LIMCH1: variants seen among roughly 807,000 people sequenced by gnomAD.
LIMCH1 encodes LIM and calponin homology domains 1.
Under a neutral mutation model 176.5 loss-of-function variants are expected in LIMCH1, and 113 were observed. That is an observed-to-expected ratio of 0.64 (90% CI 0.55 to 0.75). The LOEUF (loss-of-function observed/expected upper bound fraction) is 0.75. Among genes scored for constraint, LIMCH1 ranks in the 30% least tolerant of loss-of-function variants. The pLI is 0.00. For synonymous variants in LIMCH1, 619 were observed against 645.9 expected, an observed-to-expected ratio of 0.96 and a Z score of 0.63; for missense variants, 1,674 against 1,814.9, an observed-to-expected ratio of 0.92 and a Z score of 1.41.
chr4:41,606,019 C>T lies in LIMCH1; in HGVS notation c.9+15C>T, dbSNP rs369179579. 21 of 1,552,676 alleles carry T rather than the reference C, an allele frequency of 1.4e-5. No individual in the cohort carries two copies. Among genetic ancestry groups the T allele is most frequent in the Non-Finnish European group, 1.7e-5 (19 of 1,124,870 alleles). On this transcript the variant is annotated intron_variant, in intron 4 of 31. Transcript: ENST00000503057. The stretch of plus-strand genomic sequence containing the variant: ...AGATGCGAAAGGTAACTTGGCTTTT[C>T]TTCTTTATCCCATAAGCGTTAGACA...
At position 41,634,587 on chromosome 4, in the gene LIMCH1, G is replaced by A. The variant is rs953354450; in HGVS notation, c.2090+779G>A. 3.9e-5 allele frequency among the ~76,000 whole-genome samples: 6 copies of A among 152,112 alleles called. 1 individual carries two copies. Among genetic ancestry groups the A allele is most frequent in the African/African-American group, 1.2e-4 (5 of 41,406 alleles). On this transcript the variant is annotated intron_variant, in intron 13 of 31. Coordinates refer to ENST00000503057, the MANE Select transcript of LIMCH1 (RefSeq NM_001330672.2). ...AATACCCTAGCCATCTTGATCACCT[G>A]AATTTAATCTATATTTTACATTCTT...
intron 22 of LIMCH1, among the ~76,000 whole-genome samples, chr4:41,672,013 T>C (rs1268591611): frequency 6.6e-6 from 1 of 152,042 alleles, no homozygotes; most frequent in Non-Finnish European, 1.5e-5. Context: ...ATTATCATTA[T>C]ATGGAATTGT....
intron 1 of LIMCH1, among the ~76,000 whole-genome samples, chr4:41,424,839 A>G (rs2154132842): frequency 6.6e-6 from 1 of 152,294 alleles, no homozygotes; most frequent in South Asian, 2.1e-4. Flanking sequence ...GACAGCAGCT[A>G]TTGGTATCAT....
intron 1 of LIMCH1, among the ~76,000 whole-genome samples, chr4:41,492,349 C>T (rs1011601793): frequency 1.1e-4 from 17 of 149,668 alleles, no homozygotes; most frequent in East Asian, 9.9e-4. Context: ...TGCAGCGAGC[C>T]GAGATCATGG....
rs74896844 is a variant in LIMCH1, at chr4:41,525,031, C to T, written c.237+553C>T. ...GAATCCTTGCCCTTCTGAACCTATC[C>T]ACATAAAATCTAAAACTTACATGTT... On this transcript the variant is annotated intron_variant, in intron 3 of 26. Transcript: ENST00000313860. 2.9e-3 allele frequency among the ~76,000 whole-genome samples: 437 copies of T among 152,298 alleles called. 23 individuals carry two copies. The East Asian group carries it at 0.08, about 28-fold the overall frequency.
At position 41,638,994 on chromosome 4, in the gene LIMCH1, A is replaced by G. The variant is rs763858311; in HGVS notation, c.2126+27A>G. The G allele has an allele frequency of 3.2e-6, 5 of 1,540,502 alleles. No homozygotes were observed. In the African/African-American group the frequency reaches 7.0e-5, roughly 22 times the overall value. On this transcript the variant is annotated intron_variant, in intron 14 of 31. Transcript: ENST00000503057. ...TAAGTTGCCTTGTATTTGTAGGATTACATTAATTACTAGCCTAAACTGCAT... is the reference window on the plus strand; with the variant it reads ...TAAGTTGCCTTGTATTTGTAGGATTGCATTAATTACTAGCCTAAACTGCAT...
intron 1 of LIMCH1, among the ~76,000 whole-genome samples, chr4:41,386,294 G>A (rs2056483037): frequency 6.6e-6 from 1 of 152,162 alleles, no homozygotes; most frequent in South Asian, 2.1e-4. Context: ...TTAGAGGAGG[G>A]ATGAAGTGCT....
Position 41,465,544 on chromosome 4 carries a change from C to T in LIMCH1, c.97-28992C>T, listed in dbSNP as rs146252233. Among the ~76,000 whole-genome samples, 334 of 152,302 alleles carry T rather than the reference C, an allele frequency of 2.2e-3. 3 individuals carry two copies. The highest frequency in any genetic ancestry group is 6.9e-3 in the African/African-American group (287 of 41,562). ...CCATTTTCCTCCATTGGTTTCTTCT[C>T]CCTTGTAAAGAAGTTCGTATGCAGC... On this transcript the variant is annotated intron_variant, in intron 1 of 26. Transcript: ENST00000313860.
intron 1 of LIMCH1, among the ~76,000 whole-genome samples, chr4:41,460,455 CATCTATATATAT>C (rs1315461877): frequency 5.4e-5 from 5 of 92,166 alleles, no homozygotes; most frequent in African/African-American, 1.8e-4. Flanking sequence ...CTATAGTAAT[CATCTATATATAT>C]ATATATATAT....
intron 4 of LIMCH1, among the ~76,000 whole-genome samples, chr4:41,607,011 C>T (rs907983613): frequency 1.3e-5 from 2 of 152,254 alleles, no homozygotes; most frequent in South Asian, 2.1e-4. Flanking sequence ...GTTGGCCAGG[C>T]TGGTCTTGAA....
chr4:41,696,771 A>C (rs1338126189), intron 31 of LIMCH1, among the ~76,000 whole-genome samples: 1 of 152,204 alleles, frequency 6.6e-6, no homozygotes, highest in Admixed American at 6.5e-5. Flanking sequence ...ATTCTTAGAG[A>C]AATCAAAACC....
chr4:41,469,887 G>A (rs80317567), intron 1 of LIMCH1, among the ~76,000 whole-genome samples: 1 of 151,892 alleles, frequency 6.6e-6, no homozygotes, highest in African/African-American at 2.4e-5. Flanking sequence ...TCACCATATT[G>A]GCCAGGCTGG....
At chr4:41,480,433 C>T (rs775006362) in intron 1 of LIMCH1, among the ~76,000 whole-genome samples, 29 of 152,056 alleles carry the variant, frequency 1.9e-4, no homozygotes, top group Middle Eastern at 3.2e-3. Context: ...ATGGTGAAAC[C>T]CCGGCTCCAC....
At chr4:41,555,085 G>C (rs989595586) in intron 1 of LIMCH1, among the ~76,000 whole-genome samples, 1 of 152,162 alleles carries the variant, frequency 6.6e-6, no homozygotes, top group Non-Finnish European at 1.5e-5. Context: ...TTGGGGTTTT[G>C]CTGAGATGTT....
chr4:41,536,432 C>T (rs1346920820), upstream of LIMCH1, among the ~76,000 whole-genome samples: 2 of 152,138 alleles, frequency 1.3e-5, no homozygotes, highest in African/African-American at 2.4e-5. Context: ...TCCTCTCTGT[C>T]GCTCTGTCCA....
chr4:41,417,627 C>T (rs2060060279), intron 1 of LIMCH1, among the ~76,000 whole-genome samples: 1 of 151,996 alleles, frequency 6.6e-6, no homozygotes, highest in African/African-American at 2.4e-5. Context: ...CTCAAGTGAT[C>T]CTCCCACCTC....
intron 2 of LIMCH1, among the ~76,000 whole-genome samples, chr4:41,511,564 A>G (rs867151035): frequency 6.6e-6 from 1 of 152,228 alleles, no homozygotes; most frequent in Non-Finnish European, 1.5e-5. Flanking sequence ...TTAACTTTCT[A>G]TTAGATGATA....
At chr4:41,591,550 A>G (rs1011447140) in intron 1 of LIMCH1, among the ~76,000 whole-genome samples, 1 of 152,172 alleles carries the variant, frequency 6.6e-6, no homozygotes, top group Non-Finnish European at 1.5e-5. Context: ...GGGCCTTACT[A>G]AGATTTTTAG....
chr4:41,366,420 A>G (rs564261176), intron 1 of LIMCH1, among the ~76,000 whole-genome samples: 7 of 152,322 alleles, frequency 4.6e-5, no homozygotes, highest in African/African-American at 1.7e-4. Context: ...TTTTTTAAAA[A>G]GTACAATACA....
Sources: gnomAD v4.1 joint callset for allele counts (sites outside exome capture counted in the v4.1 genomes callset) on GRCh38, gnomAD v4.1.1 for gene constraint, MANE v1.5 for transcripts, NCBI Gene and HGNC (gene_info 2026-07-23, HGNC 2026-07-21) for gene names.